ROBO1: variants seen among roughly 807,000 people sequenced by gnomAD.
The protein encoded by ROBO1 is roundabout guidance receptor 1, also known as roundabout homolog 1.
In ROBO1, 149 loss-of-function variants were observed where a neutral mutation model predicts 195.9. The ratio of observed to expected loss-of-function variants is 0.76; its 90% CI spans 0.67 to 0.87. The LOEUF (loss-of-function observed/expected upper bound fraction) is 0.87. Among genes scored for constraint, ROBO1 ranks in the 40% least tolerant of loss-of-function variants. The pLI, the probability that ROBO1 is intolerant of heterozygous loss-of-function variation, is 0.00. For synonymous variants in ROBO1, 816 were observed against 733.2 expected (o/e 1.11, Z -1.82); for missense variants, 1,933 against 2,068.3 (o/e 0.93, Z 1.27).
At chr3:79,463,496 C>T (rs1937773481) in intron 2 of ROBO1, among the ~76,000 whole-genome samples, 1 of 151,394 alleles carries the variant, frequency 6.6e-6, no homozygotes, top group African/African-American at 2.4e-5. Flanking sequence ...GAAATGTAGA[C>T]AGTCAGTTAA....
chr3:79,523,708 A>T (rs1318435883), intron 2 of ROBO1, among the ~76,000 whole-genome samples: 2 of 152,088 alleles, frequency 1.3e-5, no homozygotes, highest in Non-Finnish European at 2.9e-5. Flanking sequence ...TCCTGACTTC[A>T]GATGATCCAC....
intron 1 of ROBO1, among the ~76,000 whole-genome samples, chr3:79,596,682 A>C (rs1231087085): frequency 6.6e-6 from 1 of 152,090 alleles, no homozygotes; most frequent in Non-Finnish European, 1.5e-5. Flanking sequence ...ACTCGTCTGC[A>C]AGAAAATATA....
chr3:79,569,821 T>C (rs920826855), intron 2 of ROBO1, among the ~76,000 whole-genome samples: 1 of 152,070 alleles, frequency 6.6e-6, no homozygotes, highest in Admixed American at 6.6e-5. Context: ...GTATTCGGCC[T>C]GGCACGGTGG....
chr3:79,629,388 G>A (rs1945271259), intron 1 of ROBO1, among the ~76,000 whole-genome samples: 1 of 151,844 alleles, frequency 6.6e-6, no homozygotes, highest in Non-Finnish European at 1.5e-5. Context: ...TAAATAACTT[G>A]CTCCTAAATG....
At chr3:79,381,985 G>A (rs551432509) in intron 2 of ROBO1, among the ~76,000 whole-genome samples, 20 of 151,684 alleles carry the variant, frequency 1.3e-4, no homozygotes, top group Admixed American at 3.3e-4. Context: ...AATCCATCTC[G>A]TATATTTACT....
intron 4 of ROBO1, among the ~76,000 whole-genome samples, chr3:78,766,375 C>A (rs554838065): frequency 6.6e-6 from 1 of 152,072 alleles, no homozygotes; most frequent in Non-Finnish European, 1.5e-5. Context: ...TGCTTTAGTA[C>A]CCCAACCCCA....
intron 2 of ROBO1, among the ~76,000 whole-genome samples, chr3:79,441,859 A>G (rs946191901): frequency 6.6e-6 from 1 of 152,156 alleles, no homozygotes; most frequent in Admixed American, 6.6e-5. Context: ...TTCAAAATTG[A>G]TAGACCTTAT....
chr3:79,442,940 T>C (rs1234473388), intron 2 of ROBO1, among the ~76,000 whole-genome samples: 1 of 152,164 alleles, frequency 6.6e-6, no homozygotes, highest in Non-Finnish European at 1.5e-5. Flanking sequence ...TCAAAACTCA[T>C]CTCAATACCT....
chr3:79,466,602 T>G (rs1366816875), intron 2 of ROBO1, among the ~76,000 whole-genome samples: 1 of 152,132 alleles, frequency 6.6e-6, no homozygotes, highest in Non-Finnish European at 1.5e-5. Context: ...ATTAGTAGAT[T>G]CAAGTGGATC....
At chr3:79,188,547 C>T (rs934196412) in intron 2 of ROBO1, among the ~76,000 whole-genome samples, 5 of 151,736 alleles carry the variant, frequency 3.3e-5, no homozygotes, top group Admixed American at 6.6e-5. Flanking sequence ...CCTTTGCACA[C>T]GCACACACAC....
rs539640351 is a variant in ROBO1, at chr3:79,617,864, A to G, written c.-50-27903T>C. Among the ~76,000 whole-genome samples the G allele has an allele frequency of 3.3e-5, 5 of 150,844 alleles. No homozygotes were observed. The East Asian group carries it at 5.8e-4, about 18-fold the overall frequency. ...AAGAGCAATCCAAGAGAACCAACACAAAGAAATCAGATAAACAATTCAAGT... is the reference window on the plus strand; with the variant it reads ...AAGAGCAATCCAAGAGAACCAACACGAAGAAATCAGATAAACAATTCAAGT... On this transcript the variant is annotated intron_variant, in intron 1 of 30. Transcript: ENST00000464233.
At chr3:79,264,379 CCTAAGT>C (rs1437223821) in intron 2 of ROBO1, among the ~76,000 whole-genome samples, 3 of 151,732 alleles carry the variant, frequency 2.0e-5, no homozygotes, top group East Asian at 1.9e-4. Flanking sequence ...TTTCTTCTCA[CCTAAGT>C]CTATCTCCTC....
At chr3:78,808,620 G>C (rs2084625995) in intron 4 of ROBO1, among the ~76,000 whole-genome samples, 1 of 152,272 alleles carries the variant, frequency 6.6e-6, no homozygotes, top group Non-Finnish European at 1.5e-5. Context: ...GCAAAGAGAT[G>C]CAAATGTCAT....
chr3:78,638,045 C>T (rs1410870425), intron 22 of ROBO1, among the ~76,000 whole-genome samples: 1 of 150,860 alleles, frequency 6.6e-6, no homozygotes, highest in Non-Finnish European at 1.5e-5. Flanking sequence ...TTAAATCTTG[C>T]AGACTGTACA....
chr3:78,689,771 T>C (rs2107847683), intron 8 of ROBO1, among the ~76,000 whole-genome samples: 1 of 152,108 alleles, frequency 6.6e-6, no homozygotes, highest in African/African-American at 2.4e-5. Context: ...CCATTATTTC[T>C]AACCTTCTCT....
intron 10 of ROBO1, among the ~76,000 whole-genome samples, chr3:78,675,860 C>T (rs1420444806): frequency 6.6e-6 from 1 of 152,120 alleles, no homozygotes; most frequent in African/African-American, 2.4e-5. Context: ...TGAGAAAGGG[C>T]AGACTGCCTC....
chr3:79,544,931 T>C (rs1942208408), intron 2 of ROBO1, among the ~76,000 whole-genome samples: 1 of 152,130 alleles, frequency 6.6e-6, no homozygotes, highest in Non-Finnish European at 1.5e-5. Context: ...ACTAACAGGT[T>C]TTTCTGAAAC....
intron 4 of ROBO1, among the ~76,000 whole-genome samples, chr3:78,836,713 A>G (rs1457275405): frequency 6.6e-6 from 1 of 152,156 alleles, no homozygotes; most frequent in Non-Finnish European, 1.5e-5. Context: ...ATGATAATAA[A>G]GAAAAACATC....
intron 5 of ROBO1, among the ~76,000 whole-genome samples, chr3:78,724,314 A>C (rs568453204): frequency 6.6e-6 from 1 of 152,084 alleles, no homozygotes; most frequent in East Asian, 1.9e-4. Flanking sequence ...AAGAACAGAA[A>C]AACAACATAG....
Sources: gnomAD v4.1 joint callset for allele counts (sites outside exome capture counted in the v4.1 genomes callset) on GRCh38, gnomAD v4.1.1 for gene constraint, MANE v1.5 for transcripts, NCBI Gene and HGNC (gene_info 2026-07-23, HGNC 2026-07-21) for gene names.